The following BIRC6 variants were observed in gnomAD, a reference collection of about 807,000 sequenced individuals.
The protein encoded by BIRC6 is dual E2 ubiquitin-conjugating enzyme/E3 ubiquitin-protein ligase BIRC6.
A neutral mutation model predicts 503.3 loss-of-function variants in BIRC6; 98 were observed. The observed-to-expected ratio is 0.19, with a 90% CI of 0.17 to 0.23. The LOEUF is 0.23. Ranked by LOEUF, BIRC6 falls within the 10% of genes least tolerant of loss-of-function variation. BIRC6 has a pLI of 1.00. For synonymous variants in BIRC6, 2,240 were observed against 2,078.7 expected, an observed-to-expected ratio of 1.08 and a Z score of -2.11; for missense variants, 5,360 against 5,806.0, an observed-to-expected ratio of 0.92 and a Z score of 2.50.
At chr2:32,480,078 G>C (rs559163860) in intron 37 of BIRC6, among the ~76,000 whole-genome samples, 19 of 151,906 alleles carry the variant, frequency 1.3e-4, no homozygotes, top group Admixed American at 1.2e-3. Flanking sequence ...GTACTAATCT[G>C]TATATGTCAG....
At chr2:32,450,471 AATC>A (rs1365953778) in intron 22 of BIRC6, among the ~76,000 whole-genome samples, 1 of 152,184 alleles carries the variant, frequency 6.6e-6, no homozygotes, top group Non-Finnish European at 1.5e-5. Context: ...CAAAAAAAAA[AATC>A]ATGATATGTC....
intron 5 of BIRC6, among the ~76,000 whole-genome samples, chr2:32,394,930 C>T (rs529057766): frequency 6.6e-6 from 1 of 152,288 alleles, no homozygotes; most frequent in East Asian, 1.9e-4. Context: ...AGGGGTGGAT[C>T]ACAGGATCAG....
At chr2:32,461,693 T>A (rs2048012664) in intron 23 of BIRC6, among the ~76,000 whole-genome samples, 1 of 152,110 alleles carries the variant, frequency 6.6e-6, no homozygotes, top group Admixed American at 6.5e-5. Context: ...TTTATTAGAA[T>A]TCTGGCACAA....
At chr2:32,374,629 C>A (rs1157108041) in intron 1 of BIRC6, among the ~76,000 whole-genome samples, 1 of 151,926 alleles carries the variant, frequency 6.6e-6, no homozygotes, top group Non-Finnish European at 1.5e-5. Flanking sequence ...CCCGCCACCA[C>A]GCCCGGCTAA....
chr2:32,554,050 G>A (rs1355958252), intron 65 of BIRC6, among the ~76,000 whole-genome samples: 1 of 152,096 alleles, frequency 6.6e-6, no homozygotes, highest in Admixed American at 6.6e-5. Context: ...ACTAGATGGA[G>A]ATCCTGTTTC....
At chr2:32,496,579 C>T (rs1287630302) in intron 45 of BIRC6, among the ~76,000 whole-genome samples, 1 of 152,124 alleles carries the variant, frequency 6.6e-6, no homozygotes, top group Non-Finnish European at 1.5e-5. Context: ...GTTTTTTATG[C>T]ATTACCTCAC....
chr2:32,417,963 A>G (rs966776627), intron 10 of BIRC6, among the ~76,000 whole-genome samples: 1 of 152,110 alleles, frequency 6.6e-6, no homozygotes, highest in Non-Finnish European at 1.5e-5. Flanking sequence ...TATTTTTAGT[A>G]GTGACGAGGT....
rs996411640 is a variant in BIRC6 at position 32,357,365 on chromosome 2, C to A, written c.204C>A (p.Asp68Glu). The A allele has an allele frequency of 1.3e-6, 2 of 1,547,044 alleles. No homozygotes were observed. Among genetic ancestry groups the A allele is most frequent in the African/African-American group, 2.8e-5 (2 of 72,670 alleles). The change falls in exon 1 of 74, where the codon GAC (aspartate) becomes GAA (glutamate). Residue 68 changes from aspartate to glutamate, a missense_variant. By Grantham distance (45) the Asp-to-Glu change is conservative. This residue lies in a region of BIRC6 where 145 missense variants were observed against 106.9 expected (regional missense o/e 1.36). Transcript: ENST00000421745. This position sits in a 1 kb window ranked among gnomAD's most constrained non-coding sequence, Gnocchi z 4.9. Reference protein sequence around the residue: ...LRDGCMHCDADGLHSLSYHPA... With the variant: ...LRDGCMHCDAEGLHSLSYHPA... ...ACGGCTGCATGCACTGCGACGCCGA[C>A]GGGCTGCACAGCCTGTCCTACCACC...
At position 32,357,954 on chromosome 2, in the gene BIRC6, G is replaced by A. The variant is rs947688976; in HGVS notation, c.325+468G>A. ...CCGGCAACCAAGCCCTCCCTTGTGG[G>A]AGAGGAGCCGGCAGTCTGCTGTTCT... On this transcript the variant is annotated intron_variant, in intron 1 of 73. Transcript: ENST00000421745. The surrounding 1 kb of genome is among the most constrained non-coding windows in gnomAD (Gnocchi z 4.9). Among the ~76,000 whole-genome samples the A allele has an allele frequency of 1.3e-5, 2 of 151,240 alleles. No individual in the cohort carries two copies. The highest frequency in any genetic ancestry group is 4.0e-4 in the East Asian group (2 of 5,058).
intron 66 of BIRC6, among the ~76,000 whole-genome samples, chr2:32,583,984 G>T (rs906187134): frequency 1.3e-5 from 2 of 152,130 alleles, no homozygotes. Flanking sequence ...TGCCCATCTT[G>T]GCCTCCCAAA....
chr2:32,376,333 A>G (rs965867695), intron 1 of BIRC6, among the ~76,000 whole-genome samples: 9 of 152,326 alleles, frequency 5.9e-5, no homozygotes, highest in Non-Finnish European at 1.2e-4. Flanking sequence ...ACTCACTGCA[A>G]TAGGAACAAA....
At chr2:32,548,240 AG>A (rs999802187) in intron 64 of BIRC6, among the ~76,000 whole-genome samples, 2 of 150,620 alleles carry the variant, frequency 1.3e-5, no homozygotes, top group Non-Finnish European at 2.9e-5. Flanking sequence ...GGAAAGTGGC[AG>A]GGATGAAATT....
chr2:32,557,275 C>G (rs1193369786), intron 65 of BIRC6: 1 of 152,168 alleles, frequency 6.6e-6, no homozygotes, highest in East Asian at 1.9e-4. Flanking sequence ...CCTATACTGA[C>G]TAAATTTCCC....
chr2:32,604,405 G>C (rs1007742962), intron 71 of BIRC6, among the ~76,000 whole-genome samples: 1 of 152,144 alleles, frequency 6.6e-6, no homozygotes, highest in Non-Finnish European at 1.5e-5. Context: ...GTCCAGTTCA[G>C]ACAATCCAGT....
chr2:32,538,313 G>A (rs2057397126), intron 61 of BIRC6, among the ~76,000 whole-genome samples: 1 of 152,114 alleles, frequency 6.6e-6, no homozygotes, highest in Non-Finnish European at 1.5e-5. Context: ...GCATGAACTA[G>A]AATGCTGAAA....
intron 10 of BIRC6, among the ~76,000 whole-genome samples, chr2:32,424,193 T>G (rs1349752252): frequency 1.3e-5 from 2 of 152,188 alleles, no homozygotes; most frequent in African/African-American, 4.8e-5. Flanking sequence ...GTTGTTCATC[T>G]CTTCCTGTGC....
intron 63 of BIRC6, among the ~76,000 whole-genome samples, chr2:32,546,809 T>G (rs1410622251): frequency 6.6e-6 from 1 of 152,152 alleles, no homozygotes; most frequent in Non-Finnish European, 1.5e-5. Context: ...CTGGGCATGG[T>G]AGCTCATGTT....
At chr2:32,430,504 ATTATTGGTCTGATGT>A (rs1349971020) in intron 11 of BIRC6, among the ~76,000 whole-genome samples, 1 of 152,144 alleles carries the variant, frequency 6.6e-6, no homozygotes, top group African/African-American at 2.4e-5. Context: ...CTAAAAGTTA[ATTATTGGTCTGATGT>A]ACATTGGCTT....
In BIRC6 at chr2:32,508,117, C is replaced by T. The variant is rs546321608; in HGVS notation, c.9838C>T (p.Leu3280Phe). 6.2e-7 allele frequency: 1 copy of T among 1,613,900 alleles called. No individual in the cohort carries two copies. ...AGCCGAAGTAGCTTCTGCTGTCTGC[C>T]TTAGACTACATCGTCCACGGGATGC... ...VKAEVASAVC[L>F]RLHRPRDAST... is the part of the protein sequence containing the mutation. Residue 3280 changes from leucine (L) to phenylalanine (F), a missense_variant, in exon 51 of 74, where the codon CTT becomes TTT. Coordinates refer to ENST00000421745, the MANE Select transcript of BIRC6 (RefSeq NM_016252.4).
Sources: gnomAD v4.1 joint callset for allele counts (sites outside exome capture counted in the v4.1 genomes callset) on GRCh38, gnomAD v4.1.1 for gene constraint, gnomAD v4.1.1 regional missense constraint, Gnocchi (gnomAD v3.1) non-coding constraint, MANE v1.5 for transcripts, NCBI Gene and HGNC (gene_info 2026-07-23, HGNC 2026-07-21) for gene names.